CTNNA3: variants seen among roughly 807,000 people sequenced by gnomAD.
The protein encoded by CTNNA3 is catenin alpha-3.
CTNNA3 carries 76 observed loss-of-function variants against 95.7 expected under a neutral mutation model. That is an observed-to-expected ratio of 0.79 (90% CI 0.66 to 0.96). CTNNA3 has a LOEUF of 0.96. Among genes scored for constraint, CTNNA3 ranks in the 40% least tolerant of loss-of-function variants. The pLI is 0.00. For missense variants in CTNNA3, 1,191 were observed against 1,089.8 expected, an observed-to-expected ratio of 1.09 and a Z score of -1.31; for synonymous variants, 431 against 374.4, an observed-to-expected ratio of 1.15 and a Z score of -1.74.
At chr10:65,924,959 G>C (rs917663842) in intron 17 of CTNNA3, among the ~76,000 whole-genome samples, 2 of 152,064 alleles carry the variant, frequency 1.3e-5, no homozygotes, top group African/African-American at 2.4e-5. Context: ...AGAACATCAT[G>C]GGAAAAACCT....
intron 12 of CTNNA3, among the ~76,000 whole-genome samples, chr10:66,356,117 G>GTTTTTTTTTT (rs1275052192): frequency 6.7e-5 from 7 of 104,734 alleles, no homozygotes; most frequent in African/African-American, 1.9e-4. Context: ...TTGTTTGCTT[G>GTTTTTTTTTT]TTTTGTTTTT....
At chr10:67,499,205 C>A (rs779520228) in intron 5 of CTNNA3, among the ~76,000 whole-genome samples, 128 of 152,100 alleles carry the variant, frequency 8.4e-4, no homozygotes, top group South Asian at 4.0e-3. Context: ...TGGGTTTTGT[C>A]GTTGGTTCTG....
At position 66,869,456 on chromosome 10, in the gene CTNNA3, C is replaced by T. The variant is rs1844310161; in HGVS notation, c.1048-93932G>A. 1.3e-5 allele frequency among the ~76,000 whole-genome samples: 2 copies of T among 151,926 alleles called. 1 individual carries two copies. The highest frequency in any genetic ancestry group is 4.2e-4 in the South Asian group (2 of 4,810). On this transcript the variant is annotated intron_variant, in intron 7 of 17. Transcript: ENST00000433211. ...AGTGTGGTGGTGCACACCTGTAATC[C>T]CAGCTACTCAGGAGGCTGAGACATG...
chr10:67,597,077 CA>C (rs1294455953), intron 3 of CTNNA3, among the ~76,000 whole-genome samples: 16 of 152,298 alleles, frequency 1.1e-4, no homozygotes, highest in African/African-American at 3.4e-4. Context: ...AGTTATATTA[CA>C]AAATTCTTTT....
At chr10:66,727,158 C>A (rs1848806898) in intron 9 of CTNNA3, among the ~76,000 whole-genome samples, 1 of 151,926 alleles carries the variant, frequency 6.6e-6, no homozygotes, top group Non-Finnish European at 1.5e-5. Context: ...GGCTAAATAA[C>A]CACTTGGAAG....
At chr10:67,151,345 AT>A (rs1861084778) in intron 7 of CTNNA3, among the ~76,000 whole-genome samples, 1 of 151,970 alleles carries the variant, frequency 6.6e-6, no homozygotes, top group African/African-American at 2.4e-5. Flanking sequence ...ATAAAAAAAA[AT>A]AAGGTAATGT....
intron 9 of CTNNA3, among the ~76,000 whole-genome samples, chr10:66,704,630 G>T (rs1848059531): frequency 6.6e-6 from 1 of 152,062 alleles, no homozygotes. Context: ...GTCTGGGAGG[G>T]TCTTCTTCCC....
intron 7 of CTNNA3, among the ~76,000 whole-genome samples, chr10:67,101,049 T>C (rs988192438): frequency 1.3e-5 from 2 of 151,808 alleles, no homozygotes; most frequent in Non-Finnish European, 2.9e-5. Flanking sequence ...CTGAATTATT[T>C]CTGTGTTCTA....
intron 10 of CTNNA3, among the ~76,000 whole-genome samples, chr10:66,521,804 G>A (rs55742354): frequency 0.026 from 3,991 of 152,138 alleles, 182 homozygotes; most frequent in African/African-American, 0.091. Context: ...TGCTTTGATT[G>A]TGATGTCTTC....
chr10:66,430,403 T>G (rs978898918), intron 11 of CTNNA3, among the ~76,000 whole-genome samples: 2 of 152,180 alleles, frequency 1.3e-5, no homozygotes, highest in African/African-American at 2.4e-5. Context: ...AAAAAGCTAC[T>G]TTAAAGTTCA....
chr10:66,449,849 T>A (rs7071151), intron 11 of CTNNA3, among the ~76,000 whole-genome samples: 1 of 151,994 alleles, frequency 6.6e-6, no homozygotes, highest in Admixed American at 6.6e-5. Context: ...AAAATGCACA[T>A]ACTGGATGGA....
At chr10:67,426,572 C>T (rs1207898752) in intron 5 of CTNNA3, among the ~76,000 whole-genome samples, 4 of 151,956 alleles carry the variant, frequency 2.6e-5, no homozygotes, top group African/African-American at 4.8e-5. Context: ...AACCAAACAC[C>T]GCATGTTCTC....
intron 11 of CTNNA3, among the ~76,000 whole-genome samples, chr10:66,433,076 C>T (rs1240808650): frequency 1.3e-5 from 2 of 152,092 alleles, no homozygotes; most frequent in Admixed American, 1.3e-4. Flanking sequence ...GGTTCCAAGT[C>T]TTTGCTATTG....
intron 7 of CTNNA3, chr10:67,097,873 T>C (rs1042700503): frequency 7.5e-7 from 1 of 1,325,788 alleles, no homozygotes; most frequent in Non-Finnish European, 1.1e-6. Context: ...GTGTTCATTG[T>C]GGACTCTAAA....
At chr10:67,523,611 G>A (rs182299611) in intron 4 of CTNNA3, among the ~76,000 whole-genome samples, 13 of 152,256 alleles carry the variant, frequency 8.5e-5, no homozygotes, top group East Asian at 1.9e-4. Context: ...TGACACTGAC[G>A]GAGGGACTCA....
At chr10:67,168,719 G>A (rs1008602349) in intron 7 of CTNNA3, among the ~76,000 whole-genome samples, 9 of 152,134 alleles carry the variant, frequency 5.9e-5, no homozygotes, top group African/African-American at 2.2e-4. Context: ...TTGAAAACTG[G>A]CACAAGATAA....
chr10:66,018,256 T>C (rs1232758716), intron 15 of CTNNA3, among the ~76,000 whole-genome samples: 1 of 148,964 alleles, frequency 6.7e-6, no homozygotes, highest in African/African-American at 2.5e-5. Context: ...TGCAGAAGTA[T>C]CGAGTATATA....
intron 5 of CTNNA3, among the ~76,000 whole-genome samples, chr10:67,359,527 A>G (rs1842926688): frequency 6.6e-6 from 1 of 152,166 alleles, no homozygotes; most frequent in South Asian, 2.1e-4. Context: ...TAGTCATTTT[A>G]AGAAAGAACC....
At chr10:66,555,955 C>T (rs1842376288) in intron 10 of CTNNA3, among the ~76,000 whole-genome samples, 1 of 151,882 alleles carries the variant, frequency 6.6e-6, no homozygotes, top group Non-Finnish European at 1.5e-5. Context: ...AAAATATTTG[C>T]AAACTAGGCA....
Sources: allele counts gnomAD v4.1 joint callset (sites outside exome capture counted in the v4.1 genomes callset), GRCh38; gene constraint gnomAD v4.1.1; transcripts MANE v1.5; gene names NCBI Gene and HGNC (gene_info 2026-07-23, HGNC 2026-07-21).